The following CCDC178 variants were observed in gnomAD, a reference collection of about 807,000 sequenced individuals.
CCDC178 encodes coiled-coil domain-containing protein 178.
A neutral mutation model predicts 117.4 loss-of-function variants in CCDC178; 126 were observed. The ratio of observed to expected loss-of-function variants is 1.07; its 90% CI spans 0.93 to 1.24. The LOEUF is 1.24. CCDC178 is among the 50% of genes most tolerant of loss of function. The pLI, the probability that CCDC178 is intolerant of heterozygous loss-of-function variation, is 0.00. For synonymous variants in CCDC178, 283 were observed against 313.4 expected (o/e 0.90, Z 1.02); for missense variants, 1,030 against 986.9 (o/e 1.04, Z -0.59).
In CCDC178 at chr18:33,333,311, G is replaced by T; in HGVS notation, c.742C>A (p.Gln248Lys). Residue 248 changes from glutamine (Q) to lysine (K), a missense_variant, in exon 10 of 23, where the codon CAA becomes AAA. Transcript: ENST00000383096. ...KANQLQHFEK[Q>K]KTELEEANAK... ...TTTGCTTCTTCTAACTCTGTCTTTT[G>T]TTTTTCAAAATGTTGTAGTTGATTA... 1 of 1,612,204 alleles carries T rather than the reference G, an allele frequency of 6.2e-7. No individual in the cohort carries two copies. The highest frequency in any genetic ancestry group is 1.7e-5 in the Admixed American group (1 of 59,900).
intron 22 of CCDC178, among the ~76,000 whole-genome samples, chr18:32,945,921 AT>A (rs938017971): frequency 1.0e-3 from 152 of 151,506 alleles, no homozygotes; most frequent in African/African-American, 3.5e-3. Flanking sequence ...GTTTGCTTTA[AT>A]TTTTTTTTAA....
chr18:33,428,730 CAA>C lies in CCDC178; in HGVS notation c.-23+11230_-23+11231del, dbSNP rs35234261. On this transcript the variant is annotated intron_variant, in intron 2 of 22. Coordinates refer to ENST00000383096, the MANE Select transcript of CCDC178 (RefSeq NM_001105528.4). ...CTGGCAACAGAGTGAGACTCTGTCTCAAAAAAAAAAAAAAAAAAAAAAAGAGA... is the reference window on the plus strand; with the variant it reads ...CTGGCAACAGAGTGAGACTCTGTCTCAAAAAAAAAAAAAAAAAAAAAGAGA... 3.7e-3 allele frequency among the ~76,000 whole-genome samples: 157 copies of C among 42,348 alleles called. 1 individual carries two copies. Among genetic ancestry groups the C allele is most frequent in the African/African-American group, 0.013 (140 of 11,114 alleles). The allele number at this position is 42,348 out of a possible 152,430, so 27.8% of individuals were successfully genotyped here. A position where few individuals can be genotyped will look rare whatever the true frequency, so the allele number is the denominator to read the frequency against.
In CCDC178 at chr18:33,224,863, G is replaced by GC; in HGVS notation, c.1729dup (p.Ala577GlyfsTer17). 6.3e-7 allele frequency: 1 copy of GC among 1,584,272 alleles called. No individual in the cohort carries two copies. Among genetic ancestry groups the GC allele is most frequent in the Non-Finnish European group, 8.6e-7 (1 of 1,164,064 alleles). On this transcript the variant is annotated frameshift_variant, in exon 17 of 23. Coordinates refer to ENST00000383096, the MANE Select transcript of CCDC178 (RefSeq NM_001105528.4). LOFTEE classifies it high-confidence loss of function. ...TTCCTGTAGTTCTGCCAGTGACATG[G>GC]CACATATTGCTCTATTTTTTATAAG...
intron 21 of CCDC178, among the ~76,000 whole-genome samples, chr18:33,039,454 G>T (rs886601106): frequency 6.6e-5 from 10 of 152,120 alleles, no homozygotes; most frequent in African/African-American, 2.4e-4. Context: ...AGACCAGCAA[G>T]GCCAGGTCTA....
chr18:33,296,408 T>G lies in CCDC178; in HGVS notation c.1023-3096A>C, dbSNP rs538284568. 2.6e-5 allele frequency among the ~76,000 whole-genome samples: 4 copies of G among 152,000 alleles called. No homozygotes were observed. The South Asian group carries it at 8.3e-4, about 32-fold the overall frequency. On this transcript the variant is annotated intron_variant, in intron 11 of 22. Transcript: ENST00000383096. The stretch of plus-strand genomic sequence containing the variant: ...AATAATAAACACACACACACATACA[T>G]ACATGAAAATATGTAAAAAATCATG...
intron 15 of CCDC178, among the ~76,000 whole-genome samples, chr18:33,234,242 C>T (rs973762592): frequency 6.6e-5 from 10 of 151,746 alleles, no homozygotes; most frequent in African/African-American, 2.4e-4. Flanking sequence ...GCTGTACCTT[C>T]ACACTATTTC....
intron 20 of CCDC178, among the ~76,000 whole-genome samples, chr18:33,107,627 G>A (rs950186050): frequency 2.0e-5 from 3 of 151,524 alleles, no homozygotes; most frequent in African/African-American, 4.8e-5. Flanking sequence ...AATTTTACAT[G>A]CCTAATTTTC....
At chr18:33,214,609 C>T (rs1462213057) in intron 19 of CCDC178, among the ~76,000 whole-genome samples, 1 of 151,984 alleles carries the variant, frequency 6.6e-6, no homozygotes, top group Non-Finnish European at 1.5e-5. Context: ...AGGTATTAAA[C>T]AAGGTGGATA....
intron 20 of CCDC178, among the ~76,000 whole-genome samples, chr18:33,101,141 G>C (rs1371258912): frequency 6.6e-6 from 1 of 151,376 alleles, no homozygotes; most frequent in African/African-American, 2.4e-5. Context: ...ATATTTTTGA[G>C]TTTAATATTT....
At chr18:33,415,080 G>A (rs541126347) in intron 2 of CCDC178, among the ~76,000 whole-genome samples, 2 of 152,278 alleles carry the variant, frequency 1.3e-5, no homozygotes, top group South Asian at 4.2e-4. Context: ...GGGAGAAATA[G>A]GAACACTTTT....
intron 15 of CCDC178, among the ~76,000 whole-genome samples, chr18:33,234,114 T>C (rs1377482808): frequency 2.0e-5 from 3 of 152,164 alleles, no homozygotes; most frequent in African/African-American, 7.2e-5. Context: ...AAATGTTCAA[T>C]GCTTTATTTC....
At chr18:33,317,275 C>G (rs1242122188) in intron 11 of CCDC178, among the ~76,000 whole-genome samples, 6 of 152,110 alleles carry the variant, frequency 3.9e-5, no homozygotes, top group Non-Finnish European at 8.8e-5. Context: ...GAGGAATGAA[C>G]AACTCCAGAC....
At position 33,409,445 on chromosome 18, in the gene CCDC178, C is replaced by T. The variant is rs185470097; in HGVS notation, c.58+2586G>A. On this transcript the variant is annotated intron_variant, in intron 3 of 22. Coordinates refer to ENST00000383096, the MANE Select transcript of CCDC178 (RefSeq NM_001105528.4). ...ATGATTGCAGTAGTTACATCATGAA[C>T]GAAAGAACATCAAAAAATGATTTTA... 4.2e-4 allele frequency among the ~76,000 whole-genome samples: 64 copies of T among 152,100 alleles called. No homozygotes were observed. The South Asian group carries it at 4.4e-3, about 10-fold the overall frequency.
intron 17 of CCDC178, among the ~76,000 whole-genome samples, chr18:33,224,178 T>C (rs907493411): frequency 3.3e-5 from 5 of 152,166 alleles, no homozygotes; most frequent in Admixed American, 2.0e-4. Flanking sequence ...AATAAATATA[T>C]GTATGGCCTC....
At chr18:33,085,473 A>G (rs1216422818) in intron 21 of CCDC178, among the ~76,000 whole-genome samples, 2 of 152,008 alleles carry the variant, frequency 1.3e-5, no homozygotes, top group African/African-American at 4.8e-5. Context: ...TGAGGCAGGA[A>G]AATGGCGTGA....
chr18:33,190,843 T>C (rs1436132637), intron 20 of CCDC178, among the ~76,000 whole-genome samples: 1 of 152,204 alleles, frequency 6.6e-6, no homozygotes, highest in Non-Finnish European at 1.5e-5. Flanking sequence ...TATTTTTCAA[T>C]CTTTTAACTT....
chr18:33,154,240 G>A (rs1015947882), intron 20 of CCDC178, among the ~76,000 whole-genome samples: 4 of 152,134 alleles, frequency 2.6e-5, no homozygotes, highest in African/African-American at 9.7e-5. Flanking sequence ...AGAGATTCTT[G>A]TTGACTCAGC....
intron 19 of CCDC178, among the ~76,000 whole-genome samples, chr18:33,212,298 T>C (rs1223095541): frequency 1.3e-5 from 2 of 151,994 alleles, no homozygotes. Context: ...CAGCATGCTT[T>C]TGTTCTCTAG....
chr18:33,119,959 C>A (rs143871794), intron 20 of CCDC178, among the ~76,000 whole-genome samples: 1,736 of 152,070 alleles, frequency 0.011, 27 homozygotes, highest in African/African-American at 0.037. Context: ...ACCGCTTGTT[C>A]TCACTTATAG....
Sources: allele counts gnomAD v4.1 joint callset (sites outside exome capture counted in the v4.1 genomes callset), GRCh38; gene constraint gnomAD v4.1.1; transcripts MANE v1.5; gene names NCBI Gene and HGNC (gene_info 2026-07-23, HGNC 2026-07-21).